The following MKLN1 variants were observed in gnomAD, a reference collection of about 807,000 sequenced individuals.
MKLN1 encodes muskelin 1, also known as muskelin.
A neutral mutation model predicts 99.0 loss-of-function variants in MKLN1; 18 were observed. That is an observed-to-expected ratio of 0.18 (90% confidence interval 0.13 to 0.27). The LOEUF (loss-of-function observed/expected upper bound fraction) is 0.27. MKLN1 is among the 10% of genes least tolerant of loss of function. The probability of loss-of-function intolerance (pLI) is 1.00; values close to 1 mark genes in which losing one functional copy is unlikely to be tolerated. For missense variants in MKLN1, 621 were observed against 875.9 expected (o/e 0.71, Z 3.67); for synonymous variants, 288 against 293.2 (o/e 0.98, Z 0.18).
chr7:131,247,235 CTTT>C (rs72068521), intron 3 of MKLN1, among the ~76,000 whole-genome samples: 3 of 141,164 alleles, frequency 2.1e-5, no homozygotes, highest in African/African-American at 2.6e-5. Context: ...TTTCTTTTTT[CTTT>C]TTTTTTTTTT....
At chr7:131,226,179 G>C (rs962264816) in intron 3 of MKLN1, among the ~76,000 whole-genome samples, 7 of 152,134 alleles carry the variant, frequency 4.6e-5, no homozygotes, top group African/African-American at 1.7e-4. Flanking sequence ...ATGCCAGACT[G>C]TTGGCATCTG....
intron 3 of MKLN1, among the ~76,000 whole-genome samples, chr7:131,315,438 C>G (rs1002364117): frequency 1.3e-5 from 2 of 152,210 alleles, no homozygotes; most frequent in African/African-American, 4.8e-5. Flanking sequence ...TGAGCCTACA[C>G]CACCAGGGCC....
intron 3 of MKLN1, among the ~76,000 whole-genome samples, chr7:131,213,445 C>T (rs1796935484): frequency 6.6e-6 from 1 of 152,192 alleles, no homozygotes; most frequent in South Asian, 2.1e-4. Flanking sequence ...AAATACCGGT[C>T]TTCTGGTGCA....
At chr7:131,263,443 C>T (rs1057069850) in intron 3 of MKLN1, among the ~76,000 whole-genome samples, 5 of 151,518 alleles carry the variant, frequency 3.3e-5, no homozygotes, top group Admixed American at 6.6e-5. Context: ...GAAGACTGCT[C>T]GAGCCTGGGA....
At chr7:131,192,271 TATATAAA>T (rs1253162052) in intron 2 of MKLN1, among the ~76,000 whole-genome samples, 17 of 83,736 alleles carry the variant, frequency 2.0e-4, no homozygotes, top group African/African-American at 7.6e-4. Context: ...AATATATAAA[TATATAAA>T]ATATATAATA....
At chr7:131,256,281 ATC>A (rs1797656743) in intron 3 of MKLN1, among the ~76,000 whole-genome samples, 1 of 152,184 alleles carries the variant, frequency 6.6e-6, no homozygotes, top group Admixed American at 6.5e-5. Flanking sequence ...GATAAACAAA[ATC>A]TGAGATAATT....
intron 3 of MKLN1, among the ~76,000 whole-genome samples, chr7:131,232,131 T>C (rs1192071196): frequency 2.0e-5 from 3 of 152,190 alleles, no homozygotes; most frequent in African/African-American, 7.2e-5. Context: ...TATAAAAATT[T>C]TTCTCCAGCA....
At chr7:131,133,868 C>T (rs1456851775) in intron 1 of MKLN1, among the ~76,000 whole-genome samples, 5 of 110,420 alleles carry the variant, frequency 4.5e-5, no homozygotes, top group African/African-American at 6.9e-5. Flanking sequence ...TTGCTCTTGT[C>T]GCCCAGGCTG....
At chr7:131,210,843 A>G (rs969218996) in intron 3 of MKLN1, among the ~76,000 whole-genome samples, 1 of 147,620 alleles carries the variant, frequency 6.8e-6, no homozygotes, top group African/African-American at 2.5e-5. Flanking sequence ...GACCATCAAC[A>G]TATAAGACTG....
chr7:131,240,393 A>G (rs1797384568), intron 3 of MKLN1, among the ~76,000 whole-genome samples: 1 of 152,218 alleles, frequency 6.6e-6, no homozygotes, highest in Non-Finnish European at 1.5e-5. Context: ...ATACTCAAAT[A>G]TAAATATTGG....
chr7:131,414,700 T>G lies in MKLN1; in HGVS notation c.837T>G (p.Asp279Glu). The change falls in exon 8 of 18, where the codon GAT (aspartate) becomes GAG (glutamate). Residue 279 changes from aspartate (D) to glutamate (E), a missense_variant. Asp to Glu is a conservative substitution (Grantham distance 45, BLOSUM62 2). This residue lies in a region of MKLN1 where 361 missense variants were observed against 540.8 expected (regional missense o/e 0.67). Transcript: ENST00000352689. ...GAGGAGGCCATCAGATGGTTATTGA[T>G]GTTCAAACAGGTGAGTAGCAGTTGC... ...GMRGGHQMVI[D>E]VQTETVYLFG... The G allele has an allele frequency of 6.2e-7, 1 of 1,602,592 alleles. No individual in the cohort carries two copies. Among genetic ancestry groups the G allele is most frequent in the Non-Finnish European group, 8.5e-7 (1 of 1,174,868 alleles).
At chr7:131,252,329 CTTTTTTTTTT>C (rs60581249) in intron 3 of MKLN1, among the ~76,000 whole-genome samples, 1 of 118,532 alleles carries the variant, frequency 8.4e-6, no homozygotes, top group East Asian at 2.6e-4. Context: ...TTTTTCTTTT[CTTTTTTTTTT>C]TTTTTTTGAG....
chr7:131,185,714 A>T (rs1268244728), intron 2 of MKLN1, among the ~76,000 whole-genome samples: 1 of 152,210 alleles, frequency 6.6e-6, no homozygotes, highest in Non-Finnish European at 1.5e-5. Flanking sequence ...TAGCCGTATG[A>T]CCTTGGGAAA....
chr7:131,401,423 T>C (rs1030074070), intron 6 of MKLN1, among the ~76,000 whole-genome samples: 4 of 152,182 alleles, frequency 2.6e-5, no homozygotes, highest in African/African-American at 9.6e-5. Context: ...CATGTAGAGA[T>C]TGTACTGAAA....
At chr7:131,292,413 TC>T (rs781196024) in intron 3 of MKLN1, among the ~76,000 whole-genome samples, 10 of 152,070 alleles carry the variant, frequency 6.6e-5, no homozygotes, top group Non-Finnish European at 1.5e-4. Flanking sequence ...TCGAATCATG[TC>T]CCCCCAAAAA....
At chr7:131,328,963 T>G (rs1388447215) in intron 1 of MKLN1, among the ~76,000 whole-genome samples, 1 of 152,216 alleles carries the variant, frequency 6.6e-6, no homozygotes, top group Non-Finnish European at 1.5e-5. Context: ...AGGAACTGGC[T>G]TAGTAAAGGG....
At position 131,492,949 on chromosome 7, in the gene MKLN1, G is replaced by T. The variant is rs1003136537; in HGVS notation, c.*5221G>T. On this transcript the variant is annotated 3_prime_UTR_variant, in exon 18 of 18. Transcript: ENST00000352689. ...GTCTTTTTGGCTAAAGTTTTATATTGTGAACTGGATCCCACTTAACAGCTT... is the reference window on the plus strand; with the variant it reads ...GTCTTTTTGGCTAAAGTTTTATATTTTGAACTGGATCCCACTTAACAGCTT... The T allele has an allele frequency of 6.6e-6, 1 of 152,076 alleles. No homozygotes were observed. Among genetic ancestry groups the T allele is most frequent in the Non-Finnish European group, 1.5e-5 (1 of 68,006 alleles). 9.4% of individuals were successfully genotyped at this position (152,076 alleles called of 1,614,324 possible).
chr7:131,373,543 TAA>T (rs1224531432), intron 1 of MKLN1, among the ~76,000 whole-genome samples: 10 of 152,270 alleles, frequency 6.6e-5, no homozygotes, highest in Admixed American at 6.5e-4. Context: ...TTTTTGATAA[TAA>T]GTCTCTTTAT....
chr7:131,317,015 C>T (rs1460992578), intron 3 of MKLN1, among the ~76,000 whole-genome samples: 4 of 152,130 alleles, frequency 2.6e-5, no homozygotes, highest in Admixed American at 1.3e-4. Context: ...GAGAATGGAA[C>T]CAAGTTGGAA....
Sources: allele counts gnomAD v4.1 joint callset (sites outside exome capture counted in the v4.1 genomes callset), GRCh38; gene constraint gnomAD v4.1.1; regional missense constraint gnomAD v4.1.1; transcripts MANE v1.5; gene names NCBI Gene and HGNC (gene_info 2026-07-23, HGNC 2026-07-21).